ABCC9: variants seen among roughly 807,000 people sequenced by gnomAD.
The protein encoded by ABCC9 is ATP-binding cassette sub-family C member 9.
In ABCC9, 95 loss-of-function variants were observed where a neutral mutation model predicts 188.3. That is an observed-to-expected ratio of 0.50 (90% CI 0.43 to 0.60). The LOEUF (loss-of-function observed/expected upper bound fraction) is 0.60. Among genes scored for constraint, ABCC9 ranks in the 20% least tolerant of loss-of-function variants. The probability of loss-of-function intolerance (pLI) is 0.00; values close to 1 mark genes in which losing one functional copy is unlikely to be tolerated. For synonymous variants in ABCC9, 659 were observed against 652.7 expected (o/e 1.01, Z -0.15); for missense variants, 1,102 against 1,876.3 (o/e 0.59, Z 7.62).
At chr12:21,897,884 C>A (rs938690727) in intron 12 of ABCC9, among the ~76,000 whole-genome samples, 2 of 152,126 alleles carry the variant, frequency 1.3e-5, no homozygotes, top group African/African-American at 4.8e-5. Flanking sequence ...CAACTCTCAT[C>A]TCTAGAGACA....
intron 31 of ABCC9, among the ~76,000 whole-genome samples, chr12:21,826,259 T>C (rs556611121): frequency 6.6e-6 from 1 of 152,052 alleles, no homozygotes; most frequent in South Asian, 2.1e-4. Context: ...GAAATTTTCA[T>C]TACTTTAAAA....
In ABCC9 at chr12:21,815,778, G is replaced by C; in HGVS notation, c.4008C>G (p.Ile1336Met). The C allele has an allele frequency of 6.2e-7, 1 of 1,612,970 alleles. No individual in the cohort carries two copies. Among genetic ancestry groups the C allele is most frequent in the Non-Finnish European group, 8.5e-7 (1 of 1,179,496 alleles). ...KPVLKHVKAYIKPGQKVGICG... is the reference protein window; with the variant it reads ...KPVLKHVKAYMKPGQKVGICG... ...GATTTCATACCTTTTGTCCAGGTTTGATGTAAGCCTTGACGTGCTTAAGAA... is the reference window on the plus strand; with the variant it reads ...GATTTCATACCTTTTGTCCAGGTTTCATGTAAGCCTTGACGTGCTTAAGAA... Residue 1336 changes from isoleucine to methionine, a missense_variant, in exon 34 of 40, where the codon ATC becomes ATG. Physicochemically the swap from Ile to Met is conservative, Grantham distance 10. Around this residue, in one of 12 missense-constraint regions of ABCC9, gnomAD observed 143 missense variants for 225.6 expected, o/e 0.63. Coordinates refer to ENST00000261200, the MANE Select transcript of ABCC9 (RefSeq NM_020297.4).
At chr12:21,819,371 T>C (rs7309274) in intron 31 of ABCC9, among the ~76,000 whole-genome samples, 22,443 of 152,206 alleles carry the variant, frequency 0.15, 2,057 homozygotes, top group Middle Eastern at 0.31. Context: ...TAATGGAATG[T>C]TGAACATGCT....
At chr12:21,872,421 A>G (rs1433420216) in intron 18 of ABCC9, among the ~76,000 whole-genome samples, 1 of 152,210 alleles carries the variant, frequency 6.6e-6, no homozygotes, top group Non-Finnish European at 1.5e-5. Flanking sequence ...AGTTTATACT[A>G]TTATAAACAA....
At position 21,940,449 on chromosome 12, in the gene ABCC9, A is replaced by G. The variant is rs147642173; in HGVS notation, c.-21+261T>C. Among the ~76,000 whole-genome samples the G allele has an allele frequency of 5.3e-5, 8 of 152,332 alleles. No homozygotes were observed. The East Asian group carries it at 1.5e-3, about 29-fold the overall frequency. ...ATTCAGTCCCTAGTTCATGAAATAA[A>G]AACTAGAAGATGTATAGCTAGTTAG... On this transcript the variant is annotated intron_variant, in intron 2 of 39. Transcript: ENST00000261200.
intron 29 of ABCC9, among the ~76,000 whole-genome samples, chr12:21,841,686 T>C (rs542607797): frequency 1.3e-5 from 2 of 152,092 alleles, no homozygotes; most frequent in Non-Finnish European, 2.9e-5. Context: ...TCTATCAATG[T>C]CATGTTCAGA....
At position 21,941,360 on chromosome 12, in the gene ABCC9, G is replaced by A. The variant is rs1196761601; in HGVS notation, c.-297C>T. On this transcript the variant is annotated 5_prime_UTR_variant, in exon 1 of 40. Transcript: ENST00000261200. The surrounding 1 kb of genome is among the most constrained non-coding windows in gnomAD (Gnocchi z 5.4). ...CCGCGGCTGAGAAGCAGGAAACTGG[G>A]CAGAAGCCCCGCGCGCCGCGCCTGG... 1 of 152,408 alleles carries A rather than the reference G, an allele frequency of 6.6e-6. No individual in the cohort carries two copies. Among genetic ancestry groups the A allele is most frequent in the Non-Finnish European group, 1.5e-5 (1 of 68,186 alleles). The allele number at this position is 152,408 out of a possible 1,614,324, so 9.4% of individuals were successfully genotyped here.
intron 31 of ABCC9, among the ~76,000 whole-genome samples, chr12:21,821,906 G>A (rs1382625606): frequency 5.3e-5 from 8 of 152,058 alleles, no homozygotes; most frequent in Non-Finnish European, 1.0e-4. Context: ...CTTTCACGTG[G>A]TTAATGTTTT....
intron 30 of ABCC9, among the ~76,000 whole-genome samples, chr12:21,833,600 C>T: frequency 6.6e-6 from 1 of 152,116 alleles, no homozygotes; most frequent in East Asian, 1.9e-4. Flanking sequence ...TTGTTCTTGT[C>T]CCCATCCCTC....
chr12:21,938,535 A>G (rs1949582221), intron 2 of ABCC9, among the ~76,000 whole-genome samples: 1 of 152,168 alleles, frequency 6.6e-6, no homozygotes, highest in South Asian at 2.1e-4. Context: ...AATTTTTTAG[A>G]CTACTTCCTT....
chr12:21,896,032 G>A (rs978260981), intron 12 of ABCC9, among the ~76,000 whole-genome samples: 2 of 148,274 alleles, frequency 1.3e-5, no homozygotes, highest in African/African-American at 5.0e-5. Flanking sequence ...TGAATTGTTT[G>A]TAACAGAGCC....
At chr12:21,855,530 G>C (rs1018914576) in intron 22 of ABCC9, among the ~76,000 whole-genome samples, 3 of 151,934 alleles carry the variant, frequency 2.0e-5, no homozygotes, top group Non-Finnish European at 4.4e-5. Flanking sequence ...CCTAAATTCT[G>C]ATTTTACATG....
At chr12:21,877,874 AT>A (rs1214689967) in intron 16 of ABCC9, among the ~76,000 whole-genome samples, 1 of 152,198 alleles carries the variant, frequency 6.6e-6, no homozygotes, top group Non-Finnish European at 1.5e-5. Context: ...GGCCTATATC[AT>A]TGTGTCACCT....
chr12:21,915,152 C>T (rs370364983), intron 7 of ABCC9, among the ~76,000 whole-genome samples: 60 of 151,262 alleles, frequency 4.0e-4, no homozygotes, highest in African/African-American at 1.4e-3. Context: ...CCATCTGCCT[C>T]GGCCTCCCAA....
chr12:21,812,081 C>A lies in ABCC9; in HGVS notation c.4179G>T (p.Leu1393=), dbSNP rs1371797107. ...AACCACTGAATAGTATTGGATCCTGCAGAATGATTGAAAGTCTAGAACGTA... is the reference window on the plus strand; with the variant it reads ...AACCACTGAATAGTATTGGATCCTGAAGAATGATTGAAAGTCTAGAACGTA... ...HTLRSRLSII[L]QDPILFSGSI... is the part of the protein sequence containing the mutation. The change falls in exon 36 of 40, where the codon CTG becomes CTT. Residue 1393 remains leucine (L), a synonymous_variant. Coordinates refer to ENST00000261200, the MANE Select transcript of ABCC9 (RefSeq NM_020297.4). The A allele has an allele frequency of 2.5e-6, 4 of 1,612,292 alleles. No homozygotes were observed. Among genetic ancestry groups the A allele is most frequent in the Non-Finnish European group, 3.4e-6 (4 of 1,178,568 alleles).
At chr12:21,904,408 A>G (rs896236236) in intron 12 of ABCC9, among the ~76,000 whole-genome samples, 2 of 152,246 alleles carry the variant, frequency 1.3e-5, no homozygotes, top group African/African-American at 4.8e-5. Flanking sequence ...CAATGGCAAC[A>G]AAAGCCAAAA....
intron 15 of ABCC9, among the ~76,000 whole-genome samples, chr12:21,885,638 A>G (rs1946836396): frequency 6.6e-6 from 1 of 152,158 alleles, no homozygotes; most frequent in Non-Finnish European, 1.5e-5. Context: ...ACACTCTTTA[A>G]TGCATTTTTG....
At position 21,915,642 on chromosome 12, in the gene ABCC9, C is replaced by T. The variant is rs757274091; in HGVS notation, c.816+26G>A. 2.5e-6 allele frequency: 4 copies of T among 1,608,648 alleles called. No homozygotes were observed. In the Middle Eastern group the frequency reaches 5.0e-4, roughly 199 times the overall value. On this transcript the variant is annotated intron_variant, in intron 7 of 39. Coordinates refer to ENST00000261200, the MANE Select transcript of ABCC9 (RefSeq NM_020297.4). The stretch of plus-strand genomic sequence containing the variant: ...AACAGGACCATTCTCTGTAATTAAG[C>T]ACATGGAAGACAGACGCTAAATCAC...
chr12:21,876,875 C>T (rs1306537744), intron 16 of ABCC9, among the ~76,000 whole-genome samples: 2 of 152,132 alleles, frequency 1.3e-5, no homozygotes, highest in African/African-American at 4.8e-5. Context: ...CCCCCAAAAC[C>T]CTTCATAAAA....
Sources: gnomAD v4.1 joint callset for allele counts (sites outside exome capture counted in the v4.1 genomes callset) on GRCh38, gnomAD v4.1.1 for gene constraint, gnomAD v4.1.1 regional missense constraint, Gnocchi (gnomAD v3.1) non-coding constraint, MANE v1.5 for transcripts, NCBI Gene and HGNC (gene_info 2026-07-23, HGNC 2026-07-21) for gene names.